The following ARID1B variants were observed in gnomAD, a reference collection of about 807,000 sequenced individuals.
ARID1B encodes the protein AT-rich interactive domain-containing protein 1B.
In ARID1B, 30 loss-of-function variants were observed where a neutral mutation model predicts 212.3. The observed-to-expected ratio is 0.14, with a 90% CI of 0.11 to 0.19. ARID1B has a LOEUF of 0.19. Among genes scored for constraint, ARID1B ranks in the 10% least tolerant of loss-of-function variants. The pLI is 1.00. For missense variants in ARID1B, 2,891 were observed against 3,204.0 expected (o/e 0.90, Z 2.36); for synonymous variants, 1,402 against 1,301.7 (o/e 1.08, Z -1.66).
intron 2 of ARID1B, among the ~76,000 whole-genome samples, chr6:156,880,030 C>T (rs1389612882): frequency 6.6e-6 from 1 of 152,212 alleles, no homozygotes; most frequent in African/African-American, 2.4e-5. Flanking sequence ...GGGCTGTGGG[C>T]TTCTGGGAGC....
At chr6:157,083,409 G>C (rs772861652) in intron 4 of ARID1B, among the ~76,000 whole-genome samples, 45 of 152,342 alleles carry the variant, frequency 3.0e-4, no homozygotes, top group Admixed American at 8.5e-4. Context: ...CAACGGGGAT[G>C]CACTGAGCAC....
At chr6:157,144,615 G>T (rs992829433) in intron 7 of ARID1B, among the ~76,000 whole-genome samples, 16 of 152,136 alleles carry the variant, frequency 1.1e-4, no homozygotes, top group African/African-American at 3.9e-4. Flanking sequence ...GGAGGAGGAG[G>T]AGGAGTCTGA....
At chr6:156,965,364 C>T (rs1377756575) in intron 4 of ARID1B, among the ~76,000 whole-genome samples, 1 of 152,088 alleles carries the variant, frequency 6.6e-6, no homozygotes, top group Non-Finnish European at 1.5e-5. Flanking sequence ...CCAGATGTGC[C>T]CGTTGTTCTG....
intron 15 of ARID1B, among the ~76,000 whole-genome samples, chr6:157,191,627 ACTGT>A (rs1237398982): frequency 4.6e-5 from 7 of 152,140 alleles, no homozygotes; most frequent in Admixed American, 3.9e-4. Context: ...TGAGGCTGTG[ACTGT>A]CTGAGCCACT....
intron 2 of ARID1B, among the ~76,000 whole-genome samples, chr6:156,846,193 C>T (rs757334279): frequency 7.9e-5 from 12 of 152,058 alleles, no homozygotes; most frequent in Admixed American, 1.3e-4. Context: ...CTCACTCTGT[C>T]ACCCAGGCTG....
chr6:157,133,237 G>A (rs965756820), intron 7 of ARID1B, 30 bp downstream of exon 7: 1 of 1,549,606 alleles, frequency 6.5e-7, no homozygotes, highest in African/African-American at 1.4e-5. Context: ...AAAATGCATG[G>A]CAGCAAGTTG....
intron 7 of ARID1B, among the ~76,000 whole-genome samples, chr6:157,147,872 C>T (rs1360774130): frequency 1.3e-5 from 1 of 78,098 alleles, no homozygotes; most frequent in Admixed American, 1.3e-4. Flanking sequence ...CCCCCTTCTC[C>T]GACCCTGCCC....
intron 2 of ARID1B, among the ~76,000 whole-genome samples, chr6:156,842,043 C>T (rs1368116975): frequency 6.6e-6 from 1 of 152,152 alleles, no homozygotes; most frequent in South Asian, 2.1e-4. Context: ...CACGTAAAGT[C>T]TTTTGTGACC....
chr6:156,927,202 A>G (rs1056120664), intron 3 of ARID1B, among the ~76,000 whole-genome samples: 2 of 152,146 alleles, frequency 1.3e-5, no homozygotes, highest in African/African-American at 2.4e-5. Context: ...AGTGTTAACA[A>G]TTTGTTGTTA....
At chr6:156,966,047 A>C (rs1400942015) in intron 4 of ARID1B, among the ~76,000 whole-genome samples, 1 of 152,198 alleles carries the variant, frequency 6.6e-6, no homozygotes, top group African/African-American at 2.4e-5. Context: ...TCTCATAGAG[A>C]GCTAAGATAT....
intron 7 of ARID1B, among the ~76,000 whole-genome samples, chr6:157,144,496 C>T (rs1029316435): frequency 2.0e-5 from 3 of 152,162 alleles, no homozygotes; most frequent in Non-Finnish European, 4.4e-5. Flanking sequence ...TGCATTCAAA[C>T]TATGAATGAG....
chr6:156,950,517 A>G (rs571582023), intron 4 of ARID1B, among the ~76,000 whole-genome samples: 1 of 152,352 alleles, frequency 6.6e-6, no homozygotes, highest in African/African-American at 2.4e-5. Context: ...AATATAGGAA[A>G]TATACCTTTT....
intron 4 of ARID1B, among the ~76,000 whole-genome samples, chr6:156,987,623 C>T (rs571536796): frequency 6.6e-6 from 1 of 152,310 alleles, no homozygotes; most frequent in African/African-American, 2.4e-5. Context: ...AGCCACCACG[C>T]CCGGCCCAGT....
chr6:156,961,924 C>G (rs1359315970), intron 4 of ARID1B, among the ~76,000 whole-genome samples: 1 of 152,116 alleles, frequency 6.6e-6, no homozygotes, highest in Non-Finnish European at 1.5e-5. Context: ...CACCATAACA[C>G]TGACCCTATT....
At chr6:156,791,898 C>T (rs374994086) in intron 1 of ARID1B, among the ~76,000 whole-genome samples, 2 of 152,162 alleles carry the variant, frequency 1.3e-5, no homozygotes, top group East Asian at 3.8e-4. Flanking sequence ...TCCTCTTTCT[C>T]TTCCTTTCCA....
At chr6:156,849,483 A>T (rs147858191) in intron 2 of ARID1B, among the ~76,000 whole-genome samples, 363 of 152,352 alleles carry the variant, frequency 2.4e-3, no homozygotes, top group African/African-American at 8.4e-3. Flanking sequence ...CGCTGCTAAG[A>T]CTTAAAATAT....
At chr6:157,093,493 G>A (rs967693461) in intron 5 of ARID1B, among the ~76,000 whole-genome samples, 17 of 152,170 alleles carry the variant, frequency 1.1e-4, no homozygotes, top group Non-Finnish European at 2.9e-5. Context: ...GGTTGTCATT[G>A]ACTAATGAAG....
At chr6:157,066,459 G>T (rs1326306946) in intron 4 of ARID1B, among the ~76,000 whole-genome samples, 1 of 152,130 alleles carries the variant, frequency 6.6e-6, no homozygotes, top group African/African-American at 2.4e-5. Flanking sequence ...TGCACAATTA[G>T]TTTTAAAGTA....
At position 157,197,764 on chromosome 6, in the gene ARID1B, T is replaced by C. The variant is rs1033724262; in HGVS notation, c.4383-1047T>C. ...AGATTAGAAGAACAATTATCTGGGC[T>C]CTATCTACCACATTAAAGAGAGGTT... On this transcript the variant is annotated intron_variant, in intron 16 of 19. Coordinates refer to ENST00000636930, the MANE Select transcript of ARID1B (RefSeq NM_001374828.1). 3.9e-5 allele frequency among the ~76,000 whole-genome samples: 6 copies of C among 152,220 alleles called. No homozygotes were observed. In the South Asian group the frequency reaches 6.2e-4, roughly 16 times the overall value.
Sources: allele counts gnomAD v4.1 joint callset (sites outside exome capture counted in the v4.1 genomes callset), GRCh38; gene constraint gnomAD v4.1.1; transcripts MANE v1.5; gene names NCBI Gene and HGNC (gene_info 2026-07-23, HGNC 2026-07-21).